The following HMCN1 variants were observed in gnomAD, a reference collection of about 807,000 sequenced individuals.
HMCN1 encodes the protein hemicentin 1.
In HMCN1, 321 loss-of-function variants were observed where a neutral mutation model predicts 625.9. That is an observed-to-expected ratio of 0.51 (90% confidence interval 0.47 to 0.56). The LOEUF (loss-of-function observed/expected upper bound fraction) is 0.56. HMCN1 is among the 20% of genes least tolerant of loss of function. The pLI, the probability that HMCN1 is intolerant of heterozygous loss-of-function variation, is 0.00. For synonymous variants in HMCN1, 2,425 were observed against 2,417.6 expected (o/e 1.00, Z -0.09); for missense variants, 6,588 against 6,887.3 (o/e 0.96, Z 1.54).
intron 83 of HMCN1, 34 bp from the exon 84 acceptor site, chr1:186,129,932 G>T: frequency 1.2e-6 from 2 of 1,611,778 alleles, no homozygotes; most frequent in South Asian, 2.2e-5. Context: ...CTAGGTTACT[G>T]AGAGGCACTT....
At chr1:185,761,787 A>G (rs1655522438) in intron 1 of HMCN1, among the ~76,000 whole-genome samples, 1 of 152,184 alleles carries the variant, frequency 6.6e-6, no homozygotes, top group African/African-American at 2.4e-5. Context: ...TTGGCACAAA[A>G]CAGAATTTTG....
At chr1:185,851,235 T>C (rs1011921029) in intron 2 of HMCN1, among the ~76,000 whole-genome samples, 5 of 152,162 alleles carry the variant, frequency 3.3e-5, no homozygotes, top group African/African-American at 1.2e-4. Flanking sequence ...AAGCAAGTAT[T>C]GTTATCCTAT....
At chr1:185,743,482 G>A (rs368214448) in intron 1 of HMCN1, among the ~76,000 whole-genome samples, 6 of 152,286 alleles carry the variant, frequency 3.9e-5, no homozygotes, top group Admixed American at 1.3e-4. Flanking sequence ...TTTAAATGCA[G>A]TCTGGAATGT....
chr1:185,925,054 C>A lies in HMCN1; in HGVS notation c.1293C>A (p.Pro431=), dbSNP rs1340412479. ...VSFSSIVPDA[P]KVTMPEKTPG... is the part of the protein sequence containing the mutation. ...TTTTGTTTTTTTTCCTAGATGCTCC[C>A]AAAGTTACGATGCCTGAGAAAACCC... The change falls in exon 9 of 107, where the codon CCC becomes CCA. Residue 431 remains proline, a synonymous_variant. Coordinates refer to ENST00000271588, the MANE Select transcript of HMCN1 (RefSeq NM_031935.3). 6.2e-7 allele frequency: 1 copy of A among 1,611,350 alleles called. No individual in the cohort carries two copies. The highest frequency in any genetic ancestry group is 1.7e-5 in the Admixed American group (1 of 59,628).
intron 1 of HMCN1, among the ~76,000 whole-genome samples, chr1:185,793,177 C>A (rs375979389): frequency 1.3e-5 from 2 of 152,040 alleles, no homozygotes; most frequent in Non-Finnish European, 2.9e-5. Context: ...TAATAAATTA[C>A]CATGAATTTA....
chr1:186,000,559 A>ATGTGTGTG (rs68110596), intron 26 of HMCN1, among the ~76,000 whole-genome samples: 2,986 of 144,708 alleles, frequency 0.021, 87 homozygotes, highest in African/African-American at 0.068. Flanking sequence ...GTGTGTGTGT[A>ATGTGTGTG]TGTGTGTGTG....
At position 186,033,625 on chromosome 1, in the gene HMCN1, C is replaced by T. The variant is rs552736243; in HGVS notation, c.5750-4309C>T. On this transcript the variant is annotated intron_variant, in intron 36 of 106. Coordinates refer to ENST00000271588, the MANE Select transcript of HMCN1 (RefSeq NM_031935.3). The stretch of plus-strand genomic sequence containing the variant: ...TTTTTATTAAAAAAAATTTCCCATC[C>T]GTGGTTGATTGACACTGCAGATAGA... Among the ~76,000 whole-genome samples the T allele has an allele frequency of 4.0e-5, 6 of 151,668 alleles. No individual in the cohort carries two copies. In the East Asian group the frequency reaches 9.7e-4, roughly 24 times the overall value.
chr1:186,021,961 T>G (rs958230435), intron 35 of HMCN1, among the ~76,000 whole-genome samples: 2 of 152,130 alleles, frequency 1.3e-5, no homozygotes, highest in African/African-American at 2.4e-5. Flanking sequence ...AGTGGCATAA[T>G]TAATAGGATT....
rs1225020131 is a variant in HMCN1, at chr1:186,137,604, T to C, written c.13689T>C (p.Asn4563=). The change falls in exon 88 of 107, where the codon AAT becomes AAC. Residue 4563 remains asparagine (N), a synonymous_variant. Transcript: ENST00000271588. ...TGTGCAACCAGCCCCTTCCAGCCAA[T>C]GGTGGGAAGCCCTGCCAAGGTTCAG... ...SRLCNQPLPA[N]GGKPCQGSDL... 3 of 1,614,000 alleles carry C rather than the reference T, an allele frequency of 1.9e-6. No individual in the cohort carries two copies. Among genetic ancestry groups the C allele is most frequent in the East Asian group, 2.2e-5 (1 of 44,870 alleles).
Position 185,994,917 on chromosome 1 carries a change from C to T in HMCN1, c.3608C>T (p.Thr1203Ile). 1 of 1,613,900 alleles carries T rather than the reference C, an allele frequency of 6.2e-7. No homozygotes were observed. Among genetic ancestry groups the T allele is most frequent in the Non-Finnish European group, 8.5e-7 (1 of 1,179,850 alleles). ...NAQGTPLPVI[T>I]WSKGGSTMLV... The stretch of plus-strand genomic sequence containing the variant: ...CAAGGGACTCCTCTTCCTGTAATCA[C>T]CTGGTCCAAAGGTGGAAGCACTATG... The change falls in exon 24 of 107, where the codon ACC becomes ATC. Residue 1203 changes from threonine (T) to isoleucine (I), a missense_variant. Around this residue, in one of 3 missense-constraint regions of HMCN1, gnomAD observed 4,628 missense variants for 4,853.1 expected, o/e 0.95. Coordinates refer to ENST00000271588, the MANE Select transcript of HMCN1 (RefSeq NM_031935.3).
intron 4 of HMCN1, among the ~76,000 whole-genome samples, chr1:185,877,662 T>C (rs555741980): frequency 3.9e-5 from 6 of 152,242 alleles, no homozygotes; most frequent in African/African-American, 1.4e-4. Context: ...GTAATTCTTC[T>C]TGTAGAAATA....
intron 15 of HMCN1, among the ~76,000 whole-genome samples, chr1:185,972,012 T>G (rs1220996600): frequency 6.6e-6 from 1 of 152,196 alleles, no homozygotes; most frequent in African/African-American, 2.4e-5. Context: ...GTAATGCTTT[T>G]AGACATGTAA....
chr1:185,851,774 T>C (rs1030541027), intron 2 of HMCN1, among the ~76,000 whole-genome samples: 1 of 151,924 alleles, frequency 6.6e-6, no homozygotes, highest in African/African-American at 2.4e-5. Flanking sequence ...ACAGAAAGTA[T>C]ATTAGTCAAA....
At chr1:185,837,040 A>AAT (rs974654953) in intron 1 of HMCN1, among the ~76,000 whole-genome samples, 2 of 148,928 alleles carry the variant, frequency 1.3e-5, no homozygotes, top group Admixed American at 1.4e-4. Context: ...GTATATATAA[A>AAT]ATATATATAT....
At chr1:186,118,078 T>C (rs938704068) in intron 77 of HMCN1, among the ~76,000 whole-genome samples, 1 of 152,136 alleles carries the variant, frequency 6.6e-6, no homozygotes, top group Non-Finnish European at 1.5e-5. Context: ...GTTTTTAAAA[T>C]TGAGTATGTA....
intron 44 of HMCN1, among the ~76,000 whole-genome samples, chr1:186,055,001 G>C (rs550390383): frequency 1.3e-5 from 2 of 151,978 alleles, no homozygotes; most frequent in Non-Finnish European, 2.9e-5. Context: ...TTGTAAAAGG[G>C]AGAAGGGATA....
chr1:186,020,321 T>C (rs1654642348), intron 35 of HMCN1, among the ~76,000 whole-genome samples: 1 of 152,164 alleles, frequency 6.6e-6, no homozygotes, highest in African/African-American at 2.4e-5. Flanking sequence ...TCAGAATTAA[T>C]AGATTTTGCT....
intron 1 of HMCN1, among the ~76,000 whole-genome samples, chr1:185,756,053 T>C (rs1655113441): frequency 6.6e-6 from 1 of 152,092 alleles, no homozygotes; most frequent in South Asian, 2.1e-4. Context: ...TGGGCTCTTC[T>C]AGAATATCAG....
At chr1:185,763,694 T>C (rs1217388951) in intron 1 of HMCN1, among the ~76,000 whole-genome samples, 1 of 152,200 alleles carries the variant, frequency 6.6e-6, no homozygotes, top group Non-Finnish European at 1.5e-5. Context: ...TATTATCTCA[T>C]TTAACAGTCG....
Sources: allele counts gnomAD v4.1 joint callset (sites outside exome capture counted in the v4.1 genomes callset), GRCh38; gene constraint gnomAD v4.1.1; regional missense constraint gnomAD v4.1.1; transcripts MANE v1.5; gene names NCBI Gene and HGNC (gene_info 2026-07-23, HGNC 2026-07-21).